PALS2: variants seen among roughly 807,000 people sequenced by gnomAD.
PALS2 encodes protein associated with LIN7 2, MAGUK p55 family member, also known as protein PALS2.
Under a neutral mutation model 61.6 loss-of-function variants are expected in PALS2, and 27 were observed. The observed-to-expected ratio is 0.44, with a 90% CI of 0.32 to 0.60. The LOEUF (loss-of-function observed/expected upper bound fraction) is 0.60, where lower values mean the gene tolerates loss of function less well. Ranked by LOEUF, PALS2 falls within the 20% of genes least tolerant of loss-of-function variation. PALS2 has a pLI of 0.05. For synonymous variants in PALS2, 236 were observed against 218.6 expected (o/e 1.08, Z -0.70); for missense variants, 554 against 639.4 (o/e 0.87, Z 1.44).
chr7:24,645,321 A>T (rs1423138829), intron 3 of PALS2, among the ~76,000 whole-genome samples: 1 of 152,168 alleles, frequency 6.6e-6, no homozygotes, highest in African/African-American at 2.4e-5. Context: ...GCTGAGCTTC[A>T]ATCTTCTGCA....
intron 2 of PALS2, among the ~76,000 whole-genome samples, chr7:24,626,954 A>G (rs1275463038): frequency 2.0e-5 from 3 of 152,218 alleles, no homozygotes; most frequent in Non-Finnish European, 4.4e-5. Context: ...AATATTAGAC[A>G]GCTCAACAAG....
At chr7:24,620,271 C>A (rs1242310916) in intron 1 of PALS2, 1 of 152,114 alleles carries the variant, frequency 6.6e-6, no homozygotes, top group Non-Finnish European at 1.5e-5. Context: ...GCCCATCTCT[C>A]ATTATTTGTT....
At chr7:24,592,972 CTT>C (rs542419096) in intron 1 of PALS2, among the ~76,000 whole-genome samples, 17 of 152,050 alleles carry the variant, frequency 1.1e-4, no homozygotes, top group African/African-American at 3.9e-4. Context: ...TTGGTAGACT[CTT>C]TTTTCATGAA....
intron 9 of PALS2, among the ~76,000 whole-genome samples, chr7:24,676,868 TG>T (rs1454661517): frequency 6.6e-6 from 1 of 151,170 alleles, no homozygotes; most frequent in Non-Finnish European, 1.5e-5. Flanking sequence ...GGCTCTCTTT[TG>T]GTTCCATATG....
At chr7:24,614,894 GTT>G (rs1441761373) in intron 1 of PALS2, among the ~76,000 whole-genome samples, 1 of 151,936 alleles carries the variant, frequency 6.6e-6, no homozygotes, top group African/African-American at 2.4e-5. Flanking sequence ...ATGACCATAT[GTT>G]AGGGCATACA....
chr7:24,641,007 C>CAAAAAAAA (rs35912373), intron 2 of PALS2, among the ~76,000 whole-genome samples: 2 of 67,086 alleles, frequency 3.0e-5, no homozygotes, highest in East Asian at 9.4e-4. Context: ...GACTCCATCT[C>CAAAAAAAA]AAAAAAAAAA....
intron 3 of PALS2, among the ~76,000 whole-genome samples, chr7:24,647,220 C>G (rs1277788964): frequency 6.7e-6 from 1 of 149,990 alleles, no homozygotes; most frequent in Non-Finnish European, 1.5e-5. Flanking sequence ...GATCTCGGTT[C>G]TCTGCAGCCT....
At position 24,688,037 on chromosome 7, in the gene PALS2, G is replaced by A. The variant is rs1309688077; in HGVS notation, c.*423G>A. On this transcript the variant is annotated 3_prime_UTR_variant, in exon 12 of 12. Coordinates refer to ENST00000222644, the MANE Select transcript of PALS2 (RefSeq NM_001303037.2). ...TTTAGTTCAGTATTCAAATAGTGAA[G>A]GGTTAGTCTTAATAGAAGAAAATAT... The A allele has an allele frequency of 2.6e-5, 4 of 153,062 alleles. No individual in the cohort carries two copies. The highest frequency in any genetic ancestry group is 5.8e-5 in the Non-Finnish European group (4 of 68,764). 9.5% of individuals were successfully genotyped at this position (153,062 alleles called of 1,614,324 possible).
At chr7:24,611,412 A>G (rs1784106989) in intron 1 of PALS2, among the ~76,000 whole-genome samples, 1 of 152,060 alleles carries the variant, frequency 6.6e-6, no homozygotes, top group South Asian at 2.1e-4. Flanking sequence ...AATTTTATTT[A>G]TAAATAGTAA....
At chr7:24,586,426 G>A (rs1010312062) in intron 1 of PALS2, among the ~76,000 whole-genome samples, 1 of 152,106 alleles carries the variant, frequency 6.6e-6, no homozygotes, top group Non-Finnish European at 1.5e-5. Flanking sequence ...GCAAGAAATA[G>A]GTCATAAGCT....
intron 1 of PALS2, among the ~76,000 whole-genome samples, chr7:24,600,544 T>C (rs912325268): frequency 2.0e-5 from 3 of 152,168 alleles, no homozygotes; most frequent in African/African-American, 7.2e-5. Context: ...CTTATGAGAA[T>C]GGAATTGGTA....
At chr7:24,673,056 C>T (rs906482234) in intron 9 of PALS2, among the ~76,000 whole-genome samples, 4 of 152,162 alleles carry the variant, frequency 2.6e-5, no homozygotes, top group African/African-American at 9.7e-5. Context: ...AGATGCCTTT[C>T]ATCAGATTGG....
intron 1 of PALS2, among the ~76,000 whole-genome samples, chr7:24,603,592 T>C (rs1472865663): frequency 6.6e-6 from 1 of 152,188 alleles, no homozygotes; most frequent in Non-Finnish European, 1.5e-5. Flanking sequence ...CTCAACTCAC[T>C]GAGAGTGAAG....
chr7:24,580,687 C>G (rs1388137235), intron 1 of PALS2, among the ~76,000 whole-genome samples: 3 of 152,158 alleles, frequency 2.0e-5, no homozygotes, highest in African/African-American at 4.8e-5. Context: ...GGCAAGTACA[C>G]TCATCACATG....
Position 24,690,495 on chromosome 7 carries a change from A to G in PALS2, c.*2881A>G, listed in dbSNP as rs1322918879. The G allele has an allele frequency of 6.6e-6, 1 of 152,180 alleles. No individual in the cohort carries two copies. Among genetic ancestry groups the G allele is most frequent in the Non-Finnish European group, 1.5e-5 (1 of 68,044 alleles). 9.4% of individuals were successfully genotyped at this position (152,180 alleles called of 1,614,324 possible). A position where few individuals can be genotyped will look rare whatever the true frequency, so the allele number is the denominator to read the frequency against. ...TAATGTGCCTGAGGGCTCCTTGTGG[A>G]TAGGTCAGTGTCCACATTTCAGCAC... On this transcript the variant is annotated 3_prime_UTR_variant, in exon 12 of 12. Transcript: ENST00000222644.
intron 2 of PALS2, among the ~76,000 whole-genome samples, chr7:24,633,286 A>G (rs998135755): frequency 6.8e-6 from 1 of 146,588 alleles, no homozygotes; most frequent in Non-Finnish European, 1.5e-5. Flanking sequence ...TTGTTGAAAA[A>G]GTCCTTTTTT....
chr7:24,686,430 G>A (rs1423809388), intron 11 of PALS2, among the ~76,000 whole-genome samples: 1 of 152,096 alleles, frequency 6.6e-6, no homozygotes, highest in Non-Finnish European at 1.5e-5. Context: ...TCAGTATCTT[G>A]AACGTGCCAG....
At chr7:24,599,505 C>CGTTTTT (rs1219747892) in intron 1 of PALS2, among the ~76,000 whole-genome samples, 15 of 116,610 alleles carry the variant, frequency 1.3e-4, no homozygotes, top group African/African-American at 5.2e-4. Context: ...CTTCTATAAG[C>CGTTTTT]TTTTTTTTTT....
At chr7:24,657,935 C>T (rs951382757) in intron 5 of PALS2, among the ~76,000 whole-genome samples, 1 of 152,040 alleles carries the variant, frequency 6.6e-6, no homozygotes, top group African/African-American at 2.4e-5. Context: ...TCAATTTTTC[C>T]AGCTCAGTTT....
Sources: allele counts gnomAD v4.1 joint callset (sites outside exome capture counted in the v4.1 genomes callset), GRCh38; gene constraint gnomAD v4.1.1; transcripts MANE v1.5; gene names NCBI Gene and HGNC (gene_info 2026-07-23, HGNC 2026-07-21).